PSTPIP2: variants seen among roughly 807,000 people sequenced by gnomAD.
PSTPIP2 encodes proline-serine-threonine phosphatase interacting protein 2.
In PSTPIP2, 33 loss-of-function variants were observed where a neutral mutation model predicts 63.3. That is an observed-to-expected ratio of 0.52 (90% CI 0.40 to 0.70). PSTPIP2 has a LOEUF of 0.70. Among genes scored for constraint, PSTPIP2 ranks in the 30% least tolerant of loss-of-function variants. The pLI is 0.00. For missense variants in PSTPIP2, 312 were observed against 400.7 expected, an observed-to-expected ratio of 0.78 and a Z score of 1.89; for synonymous variants, 125 against 132.7, an observed-to-expected ratio of 0.94 and a Z score of 0.40.
At chr18:46,036,856 G>T (rs576919627) in intron 2 of PSTPIP2, among the ~76,000 whole-genome samples, 30 of 152,266 alleles carry the variant, frequency 2.0e-4, no homozygotes, top group Middle Eastern at 3.4e-3. Context: ...TAAACTGACA[G>T]AAATTCAAGA....
rs553074100 is a variant in PSTPIP2 at position 46,021,500 on chromosome 18, AAG to A, written c.212+3107_212+3108del. On this transcript the variant is annotated intron_variant, in intron 3 of 14. Coordinates refer to ENST00000409746, the MANE Select transcript of PSTPIP2 (RefSeq NM_024430.4). ...TTGTTAGGTCTTCAATATAAGAGGA[AAG>A]AAATATAAACATAAAATTTTAAACA... Among the ~76,000 whole-genome samples, 666 of 151,782 alleles carry A rather than the reference AAG, an allele frequency of 4.4e-3. 2 individuals carry two copies. The highest frequency in any genetic ancestry group is 6.6e-3 in the Non-Finnish European group (449 of 67,928).
At chr18:46,021,653 CTG>C (rs1323296685) in intron 3 of PSTPIP2, among the ~76,000 whole-genome samples, 8 of 151,418 alleles carry the variant, frequency 5.3e-5, no homozygotes, top group Admixed American at 6.6e-5. Context: ...AACATTAAAA[CTG>C]AGAATTTGGG....
Sources: allele counts gnomAD v4.1 joint callset (sites outside exome capture counted in the v4.1 genomes callset), GRCh38; gene constraint gnomAD v4.1.1; transcripts MANE v1.5; gene names NCBI Gene and HGNC (gene_info 2026-07-23, HGNC 2026-07-21).